The following POFUT3 variants were observed in gnomAD, a reference collection of about 807,000 sequenced individuals.
The protein encoded by POFUT3 is protein O-fucosyltransferase 3.
At chr8:33,450,344 C>CCCT in the POFUT3 span, among the ~76,000 whole-genome samples, 1 of 152,196 alleles carries the variant, frequency 6.6e-6, no homozygotes, top group Non-Finnish European at 1.5e-5. Context: ...TACCATTTGC[C>CCCT]CCTGCATTAC....
the POFUT3 span, among the ~76,000 whole-genome samples, chr8:33,336,590 T>C: frequency 6.6e-6 from 1 of 152,104 alleles, no homozygotes; most frequent in Non-Finnish European, 1.5e-5. Flanking sequence ...AGGGGAGGTT[T>C]GGAGATAACA....
At chr8:33,454,255 T>A in the POFUT3 span, among the ~76,000 whole-genome samples, 1 of 152,344 alleles carries the variant, frequency 6.6e-6, no homozygotes, top group East Asian at 1.9e-4. Context: ...CTGAAGACTC[T>A]AGGAGAGAAG....
chr8:33,358,695 T>A, the POFUT3 span, among the ~76,000 whole-genome samples: 5 of 152,016 alleles, frequency 3.3e-5, no homozygotes, highest in African/African-American at 1.2e-4. Flanking sequence ...ATGAATGGGA[T>A]TAGTGATTAG....
the POFUT3 span, among the ~76,000 whole-genome samples, chr8:33,375,386 T>C: frequency 6.6e-6 from 1 of 152,158 alleles, no homozygotes; most frequent in African/African-American, 2.4e-5. Flanking sequence ...CTCAGGCTGC[T>C]GCTCCACACT....
At chr8:33,319,544 TATAAATATATATATTTTATATGTATTTA>T in the POFUT3 span, among the ~76,000 whole-genome samples, 1 of 25,630 alleles carries the variant, frequency 3.9e-5, no homozygotes, top group Non-Finnish European at 5.7e-5. Context: ...TTATATAATA[TATAAATATATATATTTTATATGTATTTA>T]TATATTATAT....
the POFUT3 span, among the ~76,000 whole-genome samples, chr8:33,463,713 TTTTG>T: frequency 3.3e-5 from 5 of 152,056 alleles, no homozygotes; most frequent in Admixed American, 1.3e-4. Flanking sequence ...CCCAGCTAAT[TTTTG>T]TTTGTTTGTT....
chr8:33,335,127 C>A, the POFUT3 span, among the ~76,000 whole-genome samples: 1 of 149,258 alleles, frequency 6.7e-6, no homozygotes, highest in Non-Finnish European at 1.5e-5. Flanking sequence ...GTTTAGCAAC[C>A]AGCTGTCCAG....
At chr8:33,373,877 C>T in the POFUT3 span, among the ~76,000 whole-genome samples, 1 of 152,084 alleles carries the variant, frequency 6.6e-6, no homozygotes, top group African/African-American at 2.4e-5. Flanking sequence ...GGAAAATTAG[C>T]AACTTCACAG....
chr8:33,423,866 C>T, the POFUT3 span, among the ~76,000 whole-genome samples: 31 of 128,762 alleles, frequency 2.4e-4, 1 homozygote, highest in East Asian at 4.6e-3. Context: ...TGGGCGGGGG[C>T]GGTGGCTCAC....
At chr8:33,370,863 C>T in the POFUT3 span, 1 of 152,142 alleles carries the variant, frequency 6.6e-6, no homozygotes, top group Non-Finnish European at 1.5e-5. Flanking sequence ...AACAAGGAAT[C>T]CCCCTTTCCA....
At chr8:33,319,347 T>G in the POFUT3 span, among the ~76,000 whole-genome samples, 1 of 75,982 alleles carries the variant, frequency 1.3e-5, no homozygotes, top group African/African-American at 5.2e-5. Context: ...TGTAAATATA[T>G]TTTATATATA....
the POFUT3 span, among the ~76,000 whole-genome samples, chr8:33,410,421 G>A: frequency 1.4e-4 from 21 of 152,114 alleles, no homozygotes; most frequent in Non-Finnish European, 2.5e-4. Flanking sequence ...GGCTTGTGTC[G>A]CCGGGCAGCC....
At chr8:33,363,594 AC>A in the POFUT3 span, among the ~76,000 whole-genome samples, 1 of 152,364 alleles carries the variant, frequency 6.6e-6, no homozygotes, top group South Asian at 2.1e-4. Context: ...GGATATCACC[AC>A]CGATCCCACA....
the POFUT3 span, among the ~76,000 whole-genome samples, chr8:33,424,354 C>T: frequency 6.6e-6 from 1 of 152,154 alleles, no homozygotes. Flanking sequence ...TCCCTCCCTA[C>T]TTCTTCCCTG....
At chr8:33,340,571 G>A in the POFUT3 span, among the ~76,000 whole-genome samples, 1 of 151,688 alleles carries the variant, frequency 6.6e-6, no homozygotes, top group African/African-American at 2.4e-5. Context: ...AGGTAAATAG[G>A]ATATAAAAGG....
At chr8:33,348,670 G>A in the POFUT3 span, among the ~76,000 whole-genome samples, 14 of 152,332 alleles carry the variant, frequency 9.2e-5, no homozygotes, top group Non-Finnish European at 2.1e-4. Flanking sequence ...AATTTGAAGT[G>A]AGTCCTGAAG....
At chr8:33,363,579 A>G in the POFUT3 span, among the ~76,000 whole-genome samples, 5 of 152,324 alleles carry the variant, frequency 3.3e-5, no homozygotes, top group East Asian at 9.6e-4. Flanking sequence ...AAAAAATGAT[A>G]AAGGGGATAT....
At chr8:33,352,917 A>G in the POFUT3 span, among the ~76,000 whole-genome samples, 2 of 152,254 alleles carry the variant, frequency 1.3e-5, no homozygotes, top group Admixed American at 6.5e-5. Context: ...TTAATCAATT[A>G]TCCCAGTGGG....
the POFUT3 span, among the ~76,000 whole-genome samples, chr8:33,438,081 C>T: frequency 6.6e-6 from 1 of 152,170 alleles, no homozygotes; most frequent in African/African-American, 2.4e-5. Flanking sequence ...CAATAATTTA[C>T]TGACGTTTTT....
Sources: allele counts gnomAD v4.1 joint callset (sites outside exome capture counted in the v4.1 genomes callset), GRCh38; gene constraint gnomAD v4.1.1; transcripts MANE v1.5; gene names NCBI Gene and HGNC (gene_info 2026-07-23, HGNC 2026-07-21).